The following ME1 variants were observed in gnomAD, a reference collection of about 807,000 sequenced individuals.
The protein encoded by ME1 is malic enzyme 1, also known as NADP-dependent malic enzyme.
Under a neutral mutation model 66.4 loss-of-function variants are expected in ME1, and 74 were observed. The observed-to-expected ratio is 1.11, with a 90% CI of 0.92 to 1.35. The LOEUF (loss-of-function observed/expected upper bound fraction) is 1.35, where lower values mean the gene tolerates loss of function less well. ME1 is among the 40% of genes most tolerant of loss of function. The pLI is 0.00. For synonymous variants in ME1, 251 were observed against 235.6 expected (o/e 1.07, Z -0.60); for missense variants, 750 against 694.1 (o/e 1.08, Z -0.90).
chr6:83,315,568 A>G (rs993534309), intron 5 of ME1, among the ~76,000 whole-genome samples, 155 bp from the exon 6 acceptor site: 2 of 152,244 alleles, frequency 1.3e-5, no homozygotes, highest in Middle Eastern at 3.2e-3. Flanking sequence ...TTAATGTTAC[A>G]TAGAATATAC....
intron 4 of ME1, among the ~76,000 whole-genome samples, chr6:83,348,206 C>T (rs1768724474): frequency 6.6e-6 from 1 of 152,062 alleles, no homozygotes; most frequent in South Asian, 2.1e-4. Context: ...GTTAACTTAG[C>T]CCTGATTTAA....
At chr6:83,333,936 T>C (rs1032425343) in intron 5 of ME1, among the ~76,000 whole-genome samples, 1 of 151,876 alleles carries the variant, frequency 6.6e-6, no homozygotes, top group Non-Finnish European at 1.5e-5. Context: ...AATACTGATA[T>C]AAAACTCCAA....
intron 6 of ME1, among the ~76,000 whole-genome samples, chr6:83,268,728 G>GTTATTATTATTATTATTATTA (rs57723634): frequency 7.2e-4 from 103 of 143,784 alleles, no homozygotes; most frequent in African/African-American, 2.0e-3. Flanking sequence ...ACCATGCCCC[G>GTTATTATTATTATTATTATTA]TTATTATTAT....
At chr6:83,319,321 A>G (rs996903997) in intron 5 of ME1, among the ~76,000 whole-genome samples, 3 of 151,400 alleles carry the variant, frequency 2.0e-5, no homozygotes, top group Non-Finnish European at 2.9e-5. Flanking sequence ...AAAATAAAAT[A>G]AAATAAAAAT....
At chr6:83,389,403 T>C (rs1197047933) in intron 3 of ME1, among the ~76,000 whole-genome samples, 1 of 152,152 alleles carries the variant, frequency 6.6e-6, no homozygotes, top group Non-Finnish European at 1.5e-5. Context: ...GAATAATTTA[T>C]AAAATATGAT....
intron 3 of ME1, among the ~76,000 whole-genome samples, chr6:83,372,467 G>T (rs1769208147): frequency 6.6e-6 from 1 of 152,124 alleles, no homozygotes; most frequent in Non-Finnish European, 1.5e-5. Context: ...ACCTAGTGTG[G>T]TTCTCCAAGA....
At chr6:83,234,332 C>A (rs887693331) in intron 9 of ME1, among the ~76,000 whole-genome samples, 1 of 152,116 alleles carries the variant, frequency 6.6e-6, no homozygotes, top group Non-Finnish European at 1.5e-5. Flanking sequence ...ATGGTGATGA[C>A]CCCCAGATCC....
intron 8 of ME1, 84 bp downstream of exon 8, chr6:83,239,455 A>C (rs1189301026): frequency 2.2e-6 from 2 of 926,876 alleles, no homozygotes; most frequent in East Asian, 2.4e-5. Context: ...ATTTGAAAGA[A>C]TACGTCAAAT....
At chr6:83,326,787 G>A (rs1165056389) in intron 5 of ME1, among the ~76,000 whole-genome samples, 1 of 152,160 alleles carries the variant, frequency 6.6e-6, no homozygotes, top group African/African-American at 2.4e-5. Context: ...ACTGTTGGTG[G>A]GAGTGTAAAT....
chr6:83,241,580 T>C (rs1177284562), intron 7 of ME1, among the ~76,000 whole-genome samples: 1 of 151,706 alleles, frequency 6.6e-6, no homozygotes, highest in African/African-American at 2.4e-5. Flanking sequence ...AAAACACTAA[T>C]CTTCCATTTA....
intron 6 of ME1, among the ~76,000 whole-genome samples, chr6:83,304,054 T>C (rs1767779427): frequency 1.3e-5 from 2 of 152,204 alleles, no homozygotes; most frequent in Non-Finnish European, 2.9e-5. Context: ...TTTATAGCAC[T>C]TGATAAAAGT....
At chr6:83,267,200 G>C (rs1266957372) in intron 6 of ME1, among the ~76,000 whole-genome samples, 1 of 151,946 alleles carries the variant, frequency 6.6e-6, no homozygotes, top group African/African-American at 2.4e-5. Flanking sequence ...AACAACACAA[G>C]AAATTTCTGC....
chr6:83,354,017 G>T (rs1055262546), intron 3 of ME1, among the ~76,000 whole-genome samples: 3 of 152,044 alleles, frequency 2.0e-5, no homozygotes, highest in Non-Finnish European at 4.4e-5. Context: ...TTCTTCTCAG[G>T]TTCCTTTGCT....
At chr6:83,218,745 C>T (rs923912939) in intron 12 of ME1, among the ~76,000 whole-genome samples, 1 of 152,170 alleles carries the variant, frequency 6.6e-6, no homozygotes, top group Non-Finnish European at 1.5e-5. Context: ...TTTTCTCCAA[C>T]GTATTTGAAG....
chr6:83,354,129 G>C (rs1011832940), intron 3 of ME1, among the ~76,000 whole-genome samples: 6 of 151,954 alleles, frequency 3.9e-5, no homozygotes, highest in Non-Finnish European at 8.8e-5. Context: ...GCACTCTCAT[G>C]GTTGGTTGTT....
At chr6:83,246,598 G>C (rs1405645053) in intron 7 of ME1, among the ~76,000 whole-genome samples, 1 of 151,756 alleles carries the variant, frequency 6.6e-6, no homozygotes, top group Non-Finnish European at 1.5e-5. Flanking sequence ...CATACTATGG[G>C]TATATGGTAA....
At chr6:83,330,510 C>CT (rs1239407872) in intron 5 of ME1, among the ~76,000 whole-genome samples, 4 of 152,150 alleles carry the variant, frequency 2.6e-5, no homozygotes, top group African/African-American at 9.7e-5. Flanking sequence ...CAAAATTCTG[C>CT]ATTCTTAACA....
chr6:83,349,105 A>G (rs1170940552), intron 4 of ME1, among the ~76,000 whole-genome samples: 2 of 151,586 alleles, frequency 1.3e-5, no homozygotes, highest in Admixed American at 1.3e-4. Context: ...ATATACATAT[A>G]CATGAACATT....
rs200858170 is a variant in ME1 at position 83,287,344 on chromosome 6, C to T, written c.704+27966G>A. ...ACAGGTCCCGGTGTTTGATATTCCC[C>T]TCCCTGTGTCCATGTGCTCCCATTG... On this transcript the variant is annotated intron_variant, in intron 6 of 13. Coordinates refer to ENST00000369705, the MANE Select transcript of ME1 (RefSeq NM_002395.6). Among the ~76,000 whole-genome samples, 16 of 152,224 alleles carry T rather than the reference C, an allele frequency of 1.1e-4. No individual in the cohort carries two copies. In the East Asian group the frequency reaches 2.9e-3, roughly 28 times the overall value.
Sources: gnomAD v4.1 joint callset for allele counts (sites outside exome capture counted in the v4.1 genomes callset) on GRCh38, gnomAD v4.1.1 for gene constraint, MANE v1.5 for transcripts, NCBI Gene and HGNC (gene_info 2026-07-23, HGNC 2026-07-21) for gene names.